The following ARHGEF4 variants were observed in gnomAD, a reference collection of about 807,000 sequenced individuals.
The protein encoded by ARHGEF4 is Rho guanine nucleotide exchange factor 4, also known as APC-stimulated guanine nucleotide exchange factor 1.
In ARHGEF4, 119 loss-of-function variants were observed where a neutral mutation model predicts 162.0. That is an observed-to-expected ratio of 0.73 (90% confidence interval 0.63 to 0.86). The LOEUF is 0.86. Among genes scored for constraint, ARHGEF4 ranks in the 40% least tolerant of loss-of-function variants. The pLI is 0.00. For missense variants in ARHGEF4, 2,488 were observed against 2,456.0 expected (o/e 1.01, Z -0.28); for synonymous variants, 1,014 against 979.9 (o/e 1.03, Z -0.65).
At chr2:130,988,734 A>G (rs1480098619) in intron 4 of ARHGEF4, among the ~76,000 whole-genome samples, 2 of 152,230 alleles carry the variant, frequency 1.3e-5, no homozygotes, top group Admixed American at 6.5e-5. Context: ...TTAGTCCATC[A>G]TACAGATATG....
chr2:130,838,423 T>C (rs1179378673), intron 1 of ARHGEF4, among the ~76,000 whole-genome samples: 1 of 151,918 alleles, frequency 6.6e-6, no homozygotes, highest in Non-Finnish European at 1.5e-5. Flanking sequence ...CTGGCCAACA[T>C]GTCAAAACCC....
intron 1 of ARHGEF4, among the ~76,000 whole-genome samples, chr2:130,876,485 C>T (rs909322185): frequency 5.9e-5 from 9 of 152,052 alleles, no homozygotes; most frequent in Non-Finnish European, 8.8e-5. Flanking sequence ...TCCGCCTCCT[C>T]GGTTCACGCC....
intron 4 of ARHGEF4, among the ~76,000 whole-genome samples, chr2:130,967,390 C>T (rs1685075447): frequency 6.6e-6 from 1 of 152,236 alleles, no homozygotes; most frequent in African/African-American, 2.4e-5. Context: ...TGCTGCCACA[C>T]TGCTGGTACT....
chr2:130,977,345 G>A (rs576425619), intron 4 of ARHGEF4, among the ~76,000 whole-genome samples: 2 of 151,996 alleles, frequency 1.3e-5, no homozygotes, highest in Non-Finnish European at 2.9e-5. Flanking sequence ...TATGTGGTGT[G>A]TGTAGAGTAT....
intron 4 of ARHGEF4, among the ~76,000 whole-genome samples, chr2:130,996,576 C>G (rs1573563145): frequency 6.6e-6 from 1 of 152,192 alleles, no homozygotes; most frequent in East Asian, 1.9e-4. Context: ...CTTCAACTGT[C>G]TACTGGCACA....
At chr2:130,943,642 C>T (rs1683435855) in intron 3 of ARHGEF4, among the ~76,000 whole-genome samples, 1 of 152,062 alleles carries the variant, frequency 6.6e-6, no homozygotes, top group African/African-American at 2.4e-5. Context: ...ACATTCTTAA[C>T]ATTTCCGTCT....
At chr2:130,946,411 A>G (rs1038716487) in intron 3 of ARHGEF4, 98 bp from the exon 4 acceptor site, 88 of 1,457,982 alleles carry the variant, frequency 6.0e-5, no homozygotes, top group African/African-American at 7.1e-5. Flanking sequence ...TCTGTTCACA[A>G]TGAAAAGTCC....
At chr2:130,868,628 C>T (rs765684921) in intron 1 of ARHGEF4, among the ~76,000 whole-genome samples, 4 of 152,138 alleles carry the variant, frequency 2.6e-5, no homozygotes, top group Non-Finnish European at 5.9e-5. Context: ...CCAGGTCAGG[C>T]AGGAAGTAGG....
chr2:130,983,216 C>T (rs1006341292), intron 4 of ARHGEF4, among the ~76,000 whole-genome samples: 35 of 152,294 alleles, frequency 2.3e-4, no homozygotes, highest in African/African-American at 8.2e-4. Flanking sequence ...TAAACACCAT[C>T]ATTTAAAGTT....
At chr2:130,957,992 T>C in intron 4 of ARHGEF4, among the ~76,000 whole-genome samples, 1 of 151,328 alleles carries the variant, frequency 6.6e-6, no homozygotes, top group East Asian at 1.9e-4. Context: ...GTAATTTATA[T>C]TCAATAAAGT....
At chr2:130,970,255 T>A (rs1685269717) in intron 4 of ARHGEF4, among the ~76,000 whole-genome samples, 1 of 152,140 alleles carries the variant, frequency 6.6e-6, no homozygotes, top group Non-Finnish European at 1.5e-5. Flanking sequence ...TTCCTCTTGA[T>A]ATATATTCTC....
chr2:130,903,000 T>C (rs187308073), intron 1 of ARHGEF4, among the ~76,000 whole-genome samples: 1 of 152,328 alleles, frequency 6.6e-6, no homozygotes, highest in Admixed American at 6.5e-5. Flanking sequence ...TCAAGTTCTC[T>C]GATTCCGTCC....
chr2:130,837,027 C>A, intron 1 of ARHGEF4, 35 bp downstream of exon 1: 4 of 1,226,650 alleles, frequency 3.3e-6, no homozygotes, highest in Non-Finnish European at 4.1e-6. Flanking sequence ...CGGTCGGGCT[C>A]CCGGCGCCCT....
rs569760588 is a variant in ARHGEF4, at chr2:130,839,356, G to A, written c.39+2364G>A. Among the ~76,000 whole-genome samples, 6 of 152,272 alleles carry A rather than the reference G, an allele frequency of 3.9e-5. No homozygotes were observed. The South Asian group carries it at 6.2e-4, about 16-fold the overall frequency. ...ATGGGTGCTGGACTGGGCCAGAAAA[G>A]GCCACTTCATTCTGGGAACCTCAGA... On this transcript the variant is annotated intron_variant, in intron 1 of 13. Transcript: ENST00000409359.
chr2:130,878,876 T>C (rs1487017598), intron 1 of ARHGEF4, among the ~76,000 whole-genome samples: 1 of 152,248 alleles, frequency 6.6e-6, no homozygotes, highest in East Asian at 1.9e-4. Flanking sequence ...TACACATTAC[T>C]CTGGCAGTAC....
At chr2:130,879,054 C>A (rs1236247280) in intron 1 of ARHGEF4, among the ~76,000 whole-genome samples, 1 of 152,096 alleles carries the variant, frequency 6.6e-6, no homozygotes, top group Non-Finnish European at 1.5e-5. Flanking sequence ...TGGAGCACCA[C>A]GGAAGAGCAA....
At chr2:130,843,912 C>G (rs894478267) in intron 1 of ARHGEF4, among the ~76,000 whole-genome samples, 3 of 152,184 alleles carry the variant, frequency 2.0e-5, no homozygotes, top group African/African-American at 4.8e-5. Context: ...AACCTTCTCT[C>G]CAAACTTGGG....
chr2:130,926,046 T>TTCTTTCTTTCTTTCTC (rs1302027772), intron 2 of ARHGEF4, among the ~76,000 whole-genome samples: 2 of 16,272 alleles, frequency 1.2e-4, no homozygotes, highest in East Asian at 1.9e-3. Flanking sequence ...CTTTCTTTCT[T>TTCTTTCTTTCTTTCTC]TCTCTTTCTT....
At chr2:130,880,665 G>T (rs1679129372) in intron 1 of ARHGEF4, among the ~76,000 whole-genome samples, 1 of 152,164 alleles carries the variant, frequency 6.6e-6, no homozygotes, top group Admixed American at 6.5e-5. Flanking sequence ...CCCCTGATTA[G>T]TTGGGACTAT....
Sources: gnomAD v4.1 joint callset for allele counts (sites outside exome capture counted in the v4.1 genomes callset) on GRCh38, gnomAD v4.1.1 for gene constraint, MANE v1.5 for transcripts, NCBI Gene and HGNC (gene_info 2026-07-23, HGNC 2026-07-21) for gene names.